Variants in RPL13 observed in about 807,000 individuals in gnomAD.
RPL13 encodes the protein ribosomal protein L13, also known as large ribosomal subunit protein eL13.
A neutral mutation model predicts 21.4 loss-of-function variants in RPL13; 1 was observed. The ratio of observed to expected loss-of-function variants is 0.05; its 90% CI spans 0.02 to 0.22. The LOEUF is 0.22. Ranked by LOEUF, RPL13 falls within the 10% of genes least tolerant of loss-of-function variation. The pLI is 1.00. For synonymous variants in RPL13, 143 were observed against 120.5 expected (o/e 1.19, Z -1.23); for missense variants, 289 against 303.0 (o/e 0.95, Z 0.34).
intron 4 of RPL13, 57 bp from the exon 5 acceptor site, chr16:89,562,278 G>C (rs1567941393): frequency 1.2e-5 from 19 of 1,560,274 alleles, no homozygotes; most frequent in Non-Finnish European, 1.7e-5. Flanking sequence ...CCAGGTGAGG[G>C]TGGAGTCCTT....
chr16:89,561,446 C>G (rs766094129), intron 3 of RPL13, 78 bp downstream of exon 3: 3 of 1,612,366 alleles, frequency 1.9e-6, no homozygotes, highest in East Asian at 2.2e-5. Context: ...ATGACATTCT[C>G]CGGAATCGCT....
At chr16:89,561,102 C>T (rs1264288498) in intron 2 of RPL13, 39 bp downstream of exon 2, 3 of 1,566,968 alleles carry the variant, frequency 1.9e-6, no homozygotes, top group Admixed American at 3.7e-5. Flanking sequence ...GGGCTCGTGC[C>T]CGCGGCTGCG....
rs1268956464 is a variant in RPL13 at position 89,561,002 on chromosome 16, C to G, written c.43C>G (p.His15Asp). Residue 15 changes from histidine to aspartate, a missense_variant, in exon 2 of 6, where the codon CAC becomes GAC. Physicochemically the swap from His to Asp is moderately conservative, Grantham distance 81. Coordinates refer to ENST00000311528, the MANE Select transcript of RPL13 (RefSeq NM_000977.4). ...RNGMVLKPHF[H>D]KDWQRRVATW... ...TGGCATGGTCTTGAAGCCCCACTTC[C>G]ACAAGGACTGGCAGCGGCGCGTGGC... is the stretch of plus-strand genomic sequence containing the variant. 1 of 1,607,500 alleles carries G rather than the reference C, an allele frequency of 6.2e-7. No homozygotes were observed. The highest frequency in any genetic ancestry group is 8.5e-7 in the Non-Finnish European group (1 of 1,178,380).
intron 1 of RPL13, 68 bp downstream of exon 1, chr16:89,560,780 C>T (rs1311166237): frequency 1.1e-5 from 6 of 539,866 alleles, no homozygotes; most frequent in Non-Finnish European, 1.9e-5. Context: ...TCAGCCAACG[C>T]GGGAGTGGAT....
chr16:89,561,389 G>A lies in RPL13; in HGVS notation c.246+21G>A, dbSNP rs199905422. ...TCAGGGTGAGTACTGGCAGCGCTGC[G>A]GTGTCAGGAAGGCCCCGAAGTCCCC... On this transcript the variant is annotated intron_variant, in intron 3 of 5. Coordinates refer to ENST00000311528, the MANE Select transcript of RPL13 (RefSeq NM_000977.4). The A allele has an allele frequency of 6.4e-4, 1,023 of 1,610,914 alleles. 5 individuals carry two copies. In the African/African-American group the frequency reaches 0.012, roughly 19 times the overall value.
Position 89,561,238 on chromosome 16 carries a change from G to T in RPL13, c.116G>T (p.Arg39Leu). 6.5e-7 allele frequency: 1 copy of T among 1,546,290 alleles called. No individual in the cohort carries two copies. The highest frequency in any genetic ancestry group is 8.7e-7 in the Non-Finnish European group (1 of 1,151,036). ...PARKIRRRKA[R>L]QAKARRIAPR... Reference sequence around the variant, plus strand: ...CTTCTCTCCACCAGACGTAAGGCCCGGCAAGCCAAGGCGCGCCGCATCGCC... The same window carrying T: ...CTTCTCTCCACCAGACGTAAGGCCCTGCAAGCCAAGGCGCGCCGCATCGCC... The change falls in exon 3 of 6, where the codon CGG becomes CTG. Residue 39 changes from arginine to leucine, a missense_variant. Coordinates refer to ENST00000311528, the MANE Select transcript of RPL13 (RefSeq NM_000977.4).
In RPL13 at chr16:89,563,507, G is replaced by GGCAGAGGCT. The variant is rs1414559486; in HGVS notation, c.*469_*477dup. 1 of 152,282 alleles carries GGCAGAGGCT rather than the reference G, an allele frequency of 6.6e-6. No individual in the cohort carries two copies. Among genetic ancestry groups the GGCAGAGGCT allele is most frequent in the Non-Finnish European group, 1.5e-5 (1 of 68,126 alleles). 9.4% of individuals were successfully genotyped at this position (152,282 alleles called of 1,614,324 possible). A position where few individuals can be genotyped will look rare whatever the true frequency, so the allele number is the denominator to read the frequency against. ...AGGTGAGGGATCACTTAACCCAGGA[G>GGCAGAGGCT]GCAGAGGCTGCACTGAGCCAGGATC... On this transcript the variant is annotated 3_prime_UTR_variant, in exon 6 of 6. Coordinates refer to ENST00000311528, the MANE Select transcript of RPL13 (RefSeq NM_000977.4).
At position 89,564,355 on chromosome 16, in the gene RPL13, G is replaced by C. The variant is rs899398097; in HGVS notation, c.*1313G>C. 1 of 152,180 alleles carries C rather than the reference G, an allele frequency of 6.6e-6. No individual in the cohort carries two copies. The highest frequency in any genetic ancestry group is 2.4e-5 in the African/African-American group (1 of 41,444). 9.4% of individuals were successfully genotyped at this position (152,180 alleles called of 1,614,324 possible). A position where few individuals can be genotyped will look rare whatever the true frequency, so the allele number is the denominator to read the frequency against. On this transcript the variant is annotated 3_prime_UTR_variant, in exon 6 of 6. Transcript: ENST00000311528. Reference sequence around the variant, plus strand: ...GCAGGCTGTTGGCTACCAGTTTCCTGTCTGAGGTGTATATGTTAACTTCGT... The same window carrying C: ...GCAGGCTGTTGGCTACCAGTTTCCTCTCTGAGGTGTATATGTTAACTTCGT...
At chr16:89,562,524 GA>G in intron 5 of RPL13, 133 bp downstream of exon 5, 1 of 771,158 alleles carries the variant, frequency 1.3e-6, no homozygotes, top group South Asian at 1.9e-5. Flanking sequence ...GAGGTTTGCG[GA>G]AAGGAACATT....
In RPL13 at chr16:89,563,614, G is replaced by C. The variant is rs1160662425; in HGVS notation, c.*572G>C. ...GACAGGGTCTTCGGCACCCAGGCTG[G>C]AGTACAGTGCCACAATCATGGCTCA... On this transcript the variant is annotated 3_prime_UTR_variant, in exon 6 of 6. Transcript: ENST00000311528. 1 of 151,426 alleles carries C rather than the reference G, an allele frequency of 6.6e-6. No individual in the cohort carries two copies. Among genetic ancestry groups the C allele is most frequent in the African/African-American group, 2.4e-5 (1 of 41,284 alleles). 9.4% of individuals were successfully genotyped at this position (151,426 alleles called of 1,614,324 possible). A position where few individuals can be genotyped will look rare whatever the true frequency, so the allele number is the denominator to read the frequency against.
In RPL13 at chr16:89,563,228, G is replaced by T; in HGVS notation, c.*186G>T. ...GCTTTACTTTCTGTGTTGAAGCACT[G>T]TTGGTTGTTTGGTTAGTGACTGATG... is the stretch of plus-strand genomic sequence containing the variant. On this transcript the variant is annotated 3_prime_UTR_variant, in exon 6 of 6. Transcript: ENST00000311528. 1.9e-6 allele frequency: 1 copy of T among 523,236 alleles called. No homozygotes were observed. The allele number at this position is 523,236 out of a possible 1,614,324, so 32.4% of individuals were successfully genotyped here.
chr16:89,562,383 G>T lies in RPL13; in HGVS notation c.469G>T (p.Val157Phe). ...CCAGCTGACCGGACCGGTCATGCCC[G>T]TCCGGAACGTAAGTGAACACTTACT... The part of the protein sequence containing the change: ...ATQLTGPVMP[V>F]RNVYKKEKAR... Residue 157 changes from valine to phenylalanine, a missense_variant, in exon 5 of 6, where the codon GTC becomes TTC. Transcript: ENST00000311528. The T allele has an allele frequency of 1.2e-6, 2 of 1,611,572 alleles. No homozygotes were observed. The highest frequency in any genetic ancestry group is 1.7e-6 in the Non-Finnish European group (2 of 1,179,462).
chr16:89,564,561 G>A (rs1325631911), downstream of RPL13: 42 of 152,230 alleles, frequency 2.8e-4, no homozygotes, highest in Admixed American at 2.7e-3. Flanking sequence ...TGTAATCCCA[G>A]CTACTTGGTA....
chr16:89,564,648 C>CA (rs2058770503), downstream of RPL13: 1 of 152,230 alleles, frequency 6.6e-6, no homozygotes, highest in Non-Finnish European at 1.5e-5. Flanking sequence ...CAGCGAGACT[C>CA]AGTCTCAAAA....
rs1279023693 is a variant in RPL13, at chr16:89,560,980, C to T, written c.21C>T (p.Gly7=). Residue 7 remains glycine, a synonymous_variant, in exon 2 of 6, where the codon GGC becomes GGT. Transcript: ENST00000311528. The part of the protein sequence containing the change: MAPSRN[G]MVLKPHFHKD... The stretch of plus-strand genomic sequence containing the variant: ...CAGCCATGGCGCCCAGCCGGAATGG[C>T]ATGGTCTTGAAGCCCCACTTCCACA... The T allele has an allele frequency of 6.2e-7, 1 of 1,606,282 alleles. No individual in the cohort carries two copies. Among genetic ancestry groups the T allele is most frequent in the Non-Finnish European group, 8.5e-7 (1 of 1,178,072 alleles).
chr16:89,561,877 A>G, intron 4 of RPL13, 126 bp downstream of exon 4: 1 of 1,032,210 alleles, frequency 9.7e-7, no homozygotes, highest in Non-Finnish European at 1.4e-6. Context: ...GTGATGAGCT[A>G]AGCGGGACTG....
chr16:89,564,271 C>T lies in RPL13; in HGVS notation c.*1229C>T, dbSNP rs2058766944. 1 of 152,164 alleles carries T rather than the reference C, an allele frequency of 6.6e-6. No homozygotes were observed. The highest frequency in any genetic ancestry group is 1.5e-5 in the Non-Finnish European group (1 of 68,054). The allele number at this position is 152,164 out of a possible 1,614,324, so 9.4% of individuals were successfully genotyped here. A position where few individuals can be genotyped will look rare whatever the true frequency, so the allele number is the denominator to read the frequency against. ...CTCTGCTGCTGCACTCACAGCCACA[C>T]TTGATACACGATGACACCTTGCTTG... On this transcript the variant is annotated 3_prime_UTR_variant, in exon 6 of 6. Transcript: ENST00000311528.
In RPL13 at chr16:89,561,017, C is replaced by A. The variant is rs1419185429; in HGVS notation, c.58C>A (p.Arg20=). The change falls in exon 2 of 6, where the codon CGG becomes AGG. Residue 20 remains arginine, a synonymous_variant. Transcript: ENST00000311528. ...GCCCCACTTCCACAAGGACTGGCAG[C>A]GGCGCGTGGCCACGTGGTTCAACCA... ...LKPHFHKDWQ[R]RVATWFNQPA... 1.9e-6 allele frequency: 3 copies of A among 1,606,798 alleles called. No individual in the cohort carries two copies. In the South Asian group the frequency reaches 3.3e-5, roughly 18 times the overall value.
chr16:89,565,149 T>C (rs1372245770), downstream of RPL13: 1 of 152,336 alleles, frequency 6.6e-6, no homozygotes, highest in African/African-American at 2.4e-5. Flanking sequence ...GTTTGCTTAA[T>C]CTATTAAGAG....
Sources: gnomAD v4.1 joint callset for allele counts on GRCh38, gnomAD v4.1.1 for gene constraint, MANE v1.5 for transcripts, NCBI Gene and HGNC (gene_info 2026-07-23, HGNC 2026-07-21) for gene names.